The following RPH3A variants were observed in gnomAD, a reference collection of about 807,000 sequenced individuals.
RPH3A encodes rabphilin 3A.
Under a neutral mutation model 102.2 loss-of-function variants are expected in RPH3A, and 48 were observed. The ratio of observed to expected loss-of-function variants is 0.47; its 90% CI spans 0.37 to 0.60. RPH3A has a LOEUF of 0.60. RPH3A is among the 20% of genes least tolerant of loss of function. The pLI, the probability that RPH3A is intolerant of heterozygous loss-of-function variation, is 0.00. For missense variants in RPH3A, 781 were observed against 910.1 expected (o/e 0.86, Z 1.83); for synonymous variants, 310 against 324.3 (o/e 0.96, Z 0.47).
At chr12:112,647,658 T>C (rs1432733858) in intron 1 of RPH3A, among the ~76,000 whole-genome samples, 5 of 152,010 alleles carry the variant, frequency 3.3e-5, no homozygotes, top group Non-Finnish European at 1.5e-5. Flanking sequence ...GAATGGCCTC[T>C]CTAGGGTGGT....
intron 1 of RPH3A, among the ~76,000 whole-genome samples, chr12:112,775,758 A>G (rs543198276): frequency 5.9e-5 from 9 of 152,198 alleles, no homozygotes; most frequent in Non-Finnish European, 1.2e-4. Context: ...CTCACCAGCT[A>G]AAAGATAAAG....
At chr12:112,767,936 GATT>G (rs2040902110) in intron 1 of RPH3A, among the ~76,000 whole-genome samples, 1 of 152,190 alleles carries the variant, frequency 6.6e-6, no homozygotes, top group South Asian at 2.1e-4. Flanking sequence ...ACAGAAAGTA[GATT>G]AGTGGTTGCC....
At chr12:112,703,675 C>G (rs184820419) in intron 1 of RPH3A, among the ~76,000 whole-genome samples, 2 of 152,318 alleles carry the variant, frequency 1.3e-5, no homozygotes, top group East Asian at 3.9e-4. Context: ...GGAGCTGAAT[C>G]AGCAATGGGA....
At chr12:112,826,242 T>C (rs919194020) in intron 2 of RPH3A, among the ~76,000 whole-genome samples, 6 of 151,696 alleles carry the variant, frequency 4.0e-5, no homozygotes, top group African/African-American at 1.5e-4. Flanking sequence ...GAAGAGCAAG[T>C]GGGAATGTGC....
intron 2 of RPH3A, among the ~76,000 whole-genome samples, chr12:112,812,333 C>T (rs2041593413): frequency 6.6e-6 from 1 of 152,178 alleles, no homozygotes; most frequent in African/African-American, 2.4e-5. Flanking sequence ...CTGGTGTCCA[C>T]TCCCCATACC....
chr12:112,722,922 G>A (rs926624923), intron 1 of RPH3A, among the ~76,000 whole-genome samples: 1 of 152,132 alleles, frequency 6.6e-6, no homozygotes, highest in Non-Finnish European at 1.5e-5. Flanking sequence ...GTATTATTTT[G>A]GTCCTGTTAA....
chr12:112,783,666 ATGT>A (rs758221909), intron 1 of RPH3A, among the ~76,000 whole-genome samples: 2 of 152,188 alleles, frequency 1.3e-5, no homozygotes, highest in Non-Finnish European at 2.9e-5. Context: ...CAAGAAACAC[ATGT>A]TGTACATATT....
At chr12:112,846,130 G>A (rs1339228741) in intron 4 of RPH3A, among the ~76,000 whole-genome samples, 1 of 152,224 alleles carries the variant, frequency 6.6e-6, no homozygotes, top group African/African-American at 2.4e-5. Flanking sequence ...TAAGCAAGAA[G>A]TCTGGATTTT....
chr12:112,602,722 C>T (rs2039568175), intron 1 of RPH3A, among the ~76,000 whole-genome samples: 6 of 151,856 alleles, frequency 4.0e-5, no homozygotes, highest in Admixed American at 2.6e-4. Context: ...CCAGAAATTT[C>T]GAGGCTGCAG....
chr12:112,736,829 G>T (rs1297808788), intron 1 of RPH3A, among the ~76,000 whole-genome samples: 1 of 152,106 alleles, frequency 6.6e-6, no homozygotes, highest in Non-Finnish European at 1.5e-5. Context: ...CTCTCTTGAG[G>T]CTCAACATAT....
chr12:112,815,479 C>T (rs575483939), intron 2 of RPH3A, among the ~76,000 whole-genome samples: 1 of 152,222 alleles, frequency 6.6e-6, no homozygotes, highest in African/African-American at 2.4e-5. Context: ...CTATGTCTCC[C>T]ATCTAAAATT....
chr12:112,774,242 G>A (rs2040949074), intron 1 of RPH3A, among the ~76,000 whole-genome samples: 1 of 152,106 alleles, frequency 6.6e-6, no homozygotes, highest in Admixed American at 6.6e-5. Context: ...AGATATTTTG[G>A]ATTAAAATTT....
intron 2 of RPH3A, among the ~76,000 whole-genome samples, chr12:112,815,577 T>C (rs2041657773): frequency 6.6e-6 from 1 of 152,192 alleles, no homozygotes; most frequent in Non-Finnish European, 1.5e-5. Context: ...GCATTTTGTC[T>C]CTGAGGCAGA....
At chr12:112,580,540 A>C (rs1406215241) in intron 1 of RPH3A, among the ~76,000 whole-genome samples, 2 of 151,040 alleles carry the variant, frequency 1.3e-5, no homozygotes, top group Non-Finnish European at 1.5e-5. Flanking sequence ...AGTAGCTGGG[A>C]CCACCGGCGC....
chr12:112,827,964 T>A (rs992629636), intron 2 of RPH3A, among the ~76,000 whole-genome samples: 1 of 151,744 alleles, frequency 6.6e-6, no homozygotes, highest in Non-Finnish European at 1.5e-5. Flanking sequence ...ACTTGCTCAG[T>A]AGAAAGACCC....
At chr12:112,855,964 A>G (rs567753986) in intron 5 of RPH3A, among the ~76,000 whole-genome samples, 2 of 152,272 alleles carry the variant, frequency 1.3e-5, no homozygotes, top group South Asian at 4.1e-4. Context: ...GAGAGGGGCA[A>G]CATGACATTG....
intron 2 of RPH3A, among the ~76,000 whole-genome samples, chr12:112,822,651 T>A (rs938850675): frequency 1.2e-4 from 19 of 152,182 alleles, no homozygotes; most frequent in Non-Finnish European, 2.4e-4. Flanking sequence ...AGTCTAAGAT[T>A]CAGATTCATC....
At chr12:112,881,867 C>G (rs1023421402) in intron 15 of RPH3A, 21 bp downstream of exon 15, 2 of 1,598,214 alleles carry the variant, frequency 1.3e-6, no homozygotes, top group African/African-American at 2.7e-5. Flanking sequence ...GCCTGGGCTT[C>G]TCTGCAAACC....
At chr12:112,673,138 C>T (rs2040146823) in intron 1 of RPH3A, among the ~76,000 whole-genome samples, 1 of 152,076 alleles carries the variant, frequency 6.6e-6, no homozygotes, top group Admixed American at 6.5e-5. Context: ...CTGGAAACCC[C>T]TTCCAAATAA....
Sources: allele counts gnomAD v4.1 joint callset (sites outside exome capture counted in the v4.1 genomes callset), GRCh38; gene constraint gnomAD v4.1.1; transcripts MANE v1.5; gene names NCBI Gene and HGNC (gene_info 2026-07-23, HGNC 2026-07-21).